The following SMG1 variants were observed in gnomAD, a reference collection of about 807,000 sequenced individuals.
SMG1 encodes serine/threonine-protein kinase SMG1.
Under a neutral mutation model 419.9 loss-of-function variants are expected in SMG1, and 22 were observed. The observed-to-expected ratio is 0.05, with a 90% CI of 0.04 to 0.07. The LOEUF (loss-of-function observed/expected upper bound fraction) is 0.07, where lower values mean the gene tolerates loss of function less well. Ranked by LOEUF, SMG1 falls within the 10% of genes least tolerant of loss-of-function variation. The pLI is 1.00. For synonymous variants in SMG1, 1,538 were observed against 1,553.5 expected (o/e 0.99, Z 0.23); for missense variants, 3,185 against 4,342.0 (o/e 0.73, Z 7.49).
In SMG1 at chr16:18,816,327, T is replaced by A; in HGVS notation, c.10277A>T (p.Lys3426Ile). The A allele has an allele frequency of 6.2e-7, 1 of 1,613,658 alleles. No individual in the cohort carries two copies. Among genetic ancestry groups the A allele is most frequent in the Non-Finnish European group, 8.5e-7 (1 of 1,179,590 alleles). ...TGHNRQLGDV[K>I]HLLKAMAKDE... ...CTTAGCCATAGCTTTCAAGAGATGT[T>A]TGACATCTCCAAGCTGTCGGTTATG... Residue 3426 changes from lysine to isoleucine, a missense_variant, in exon 58 of 63, where the codon AAA (lysine) becomes ATA (isoleucine). Physicochemically the swap from Lys to Ile is moderately radical, Grantham distance 102. Around this residue, in one of 27 missense-constraint regions of SMG1, gnomAD observed 737 missense variants for 846.6 expected, o/e 0.87. Coordinates refer to ENST00000446231, the MANE Select transcript of SMG1 (RefSeq NM_015092.5).
Position 18,833,048 on chromosome 16 carries a change from G to A in SMG1, c.8684C>T (p.Thr2895Ile). Residue 2895 changes from threonine to isoleucine, a missense_variant, in exon 51 of 63, where the codon ACC (threonine) becomes ATC (isoleucine). By Grantham distance (89) the Thr-to-Ile change is moderately conservative. Coordinates refer to ENST00000446231, the MANE Select transcript of SMG1 (RefSeq NM_015092.5). ...TAGAGTCTGCAGGGGAACGCCATCG[G>A]TGGTCTGCTCAATAAGACCGTCCAG... Reference protein sequence around the residue: ...HELDGLIEQTTDGVPLQTLVE... With the variant: ...HELDGLIEQTIDGVPLQTLVE... 6.2e-7 allele frequency: 1 copy of A among 1,613,986 alleles called. No homozygotes were observed. Among genetic ancestry groups the A allele is most frequent in the Non-Finnish European group, 8.5e-7 (1 of 1,179,870 alleles).
rs571594490 is a variant in SMG1 at position 18,835,812 on chromosome 16, T to C, written c.8057+121A>G. On this transcript the variant is annotated intron_variant, in intron 48 of 62. Coordinates refer to ENST00000446231, the MANE Select transcript of SMG1 (RefSeq NM_015092.5). ...TACTCTGGAGGCTGAGGCAGAGGAA[T>C]TGCTTGAACCTCAGAGACGGAGGTT... is the stretch of plus-strand genomic sequence containing the variant. 3.9e-5 allele frequency: 35 copies of C among 905,936 alleles called. 1 individual carries two copies. The highest frequency in any genetic ancestry group is 3.5e-4 in the Middle Eastern group (1 of 2,886). 56.1% of individuals were successfully genotyped at this position (905,936 alleles called of 1,614,324 possible).
chr16:18,858,147 T>G (rs2035018932), intron 29 of SMG1, 23 bp downstream of exon 29: 1 of 1,526,600 alleles, frequency 6.6e-7, no homozygotes, highest in Admixed American at 2.3e-5. Flanking sequence ...AATTTTCTCT[T>G]ACAAGAAAAA....
intron 1 of SMG1, among the ~76,000 whole-genome samples, chr16:18,904,984 G>A (rs577198899): frequency 5.9e-5 from 9 of 151,840 alleles, no homozygotes; most frequent in Non-Finnish European, 8.8e-5. Flanking sequence ...AAATAAGGCC[G>A]GGCACGGTGG....
intron 3 of SMG1, among the ~76,000 whole-genome samples, chr16:18,892,785 G>GAATATA: frequency 6.6e-6 from 1 of 152,158 alleles, no homozygotes; most frequent in East Asian, 1.9e-4. Context: ...AAAGCTCAGG[G>GAATATA]AATATAGGTC....
intron 37 of SMG1, 60 bp downstream of exon 37, chr16:18,847,756 C>A: frequency 6.3e-7 from 1 of 1,586,888 alleles, no homozygotes; most frequent in Non-Finnish European, 8.6e-7. Flanking sequence ...TACAGATTGG[C>A]AAAAGCAATT....
chr16:18,907,864 A>AT (rs2037630708), intron 1 of SMG1, among the ~76,000 whole-genome samples: 1 of 150,398 alleles, frequency 6.6e-6, no homozygotes, highest in Non-Finnish European at 1.5e-5. Flanking sequence ...AAAAAAAAAA[A>AT]AAAAAGAGAC....
At chr16:18,908,222 G>GCT (rs2037647983) in intron 1 of SMG1, among the ~76,000 whole-genome samples, 1 of 151,774 alleles carries the variant, frequency 6.6e-6, no homozygotes, top group South Asian at 2.1e-4. Context: ...AAAAAAATTA[G>GCT]GCAGGCGTGG....
rs761114774 is a variant in SMG1, at chr16:18,838,707, G to C, written c.6946-18C>G. 4 of 1,525,410 alleles carry C rather than the reference G, an allele frequency of 2.6e-6. No homozygotes were observed. The highest frequency in any genetic ancestry group is 2.4e-5 in the South Asian group (2 of 81,896). 94.5% of individuals were successfully genotyped at this position (1,525,410 alleles called of 1,614,324 possible). A position where few individuals can be genotyped will look rare whatever the true frequency, so the allele number is the denominator to read the frequency against. On this transcript the variant is annotated intron_variant, in intron 42 of 62. Transcript: ENST00000446231. ...GCATAAGACTAAAGGAAAGGAAATG[G>C]GGGCAGCAAGTGAAACACCATTAAG...
rs747539033 is a variant in SMG1 at position 18,854,722 on chromosome 16, C to T, written c.4417G>A (p.Gly1473Ser). The T allele has an allele frequency of 1.2e-6, 2 of 1,613,848 alleles. No individual in the cohort carries two copies. Among genetic ancestry groups the T allele is most frequent in the Non-Finnish European group, 8.5e-7 (1 of 1,179,848 alleles). The change falls in exon 30 of 63, where the codon GGT (glycine) becomes AGT (serine). Residue 1473 changes from glycine to serine, a missense_variant. By Grantham distance (56) the Gly-to-Ser change is moderately conservative. Transcript: ENST00000446231. ...VQHFKKLSTQ[G>S]QVDEKWGPEL... ...GGCCCCCATTTTTCATCCACTTGACCTTGGGTTGATAGTTTTTTAAAATGT... is the reference window on the plus strand; with the variant it reads ...GGCCCCCATTTTTCATCCACTTGACTTTGGGTTGATAGTTTTTTAAAATGT...
At chr16:18,907,302 G>A (rs2037601264) in intron 1 of SMG1, among the ~76,000 whole-genome samples, 1 of 151,932 alleles carries the variant, frequency 6.6e-6, no homozygotes, top group Non-Finnish European at 1.5e-5. Flanking sequence ...AATCGTTTAT[G>A]CCAACTAATT....
chr16:18,877,248 T>G lies in SMG1; in HGVS notation c.1519-16A>C, dbSNP rs1475743059. 2 of 1,493,666 alleles carry G rather than the reference T, an allele frequency of 1.3e-6. No homozygotes were observed. Among genetic ancestry groups the G allele is most frequent in the Admixed American group, 4.1e-5 (2 of 49,044 alleles). The allele number at this position is 1,493,666 out of a possible 1,614,324, so 92.5% of individuals were successfully genotyped here. ...GTTCAACAATCTAAAAGAATAAAAT[T>G]TTTAAAAAATGAGCTTCTCCAATTA... is the stretch of plus-strand genomic sequence containing the variant. On this transcript the variant is annotated splice_polypyrimidine_tract_variant and intron_variant, in intron 11 of 62. Coordinates refer to ENST00000446231, the MANE Select transcript of SMG1 (RefSeq NM_015092.5).
intron 3 of SMG1, 70 bp downstream of exon 3, chr16:18,895,982 C>G: frequency 7.4e-7 from 1 of 1,359,756 alleles, no homozygotes; most frequent in Non-Finnish European, 1.0e-6. Context: ...TAGTAAGAGG[C>G]ATCCAGAATA....
intron 42 of SMG1, among the ~76,000 whole-genome samples, chr16:18,839,145 CTCTT>C (rs901301618): frequency 1.3e-4 from 20 of 152,054 alleles, no homozygotes; most frequent in African/African-American, 4.1e-4. Context: ...TGTGCCTGAC[CTCTT>C]TCTTTTTTTA....
chr16:18,814,070 A>T (rs1321242143), intron 60 of SMG1, among the ~76,000 whole-genome samples: 9 of 148,846 alleles, frequency 6.0e-5, no homozygotes, highest in African/African-American at 2.2e-4. Context: ...AAAAAAAATA[A>T]AATAAAATAA....
intron 1 of SMG1, among the ~76,000 whole-genome samples, chr16:18,918,461 C>T (rs1209575296): frequency 6.6e-6 from 1 of 152,170 alleles, no homozygotes; most frequent in Non-Finnish European, 1.5e-5. Flanking sequence ...GGATTCTCCC[C>T]CAAATTCACA....
Position 18,850,476 on chromosome 16 carries a change from A to C in SMG1, c.5053-9T>G. ...AGTGTTATATCTTCATCCTGAAGAA[A>C]AATTGTGCACAAAATGCTATTTTAA... On this transcript the variant is annotated splice_polypyrimidine_tract_variant and intron_variant, in intron 33 of 62. Coordinates refer to ENST00000446231, the MANE Select transcript of SMG1 (RefSeq NM_015092.5). 1 of 1,578,550 alleles carries C rather than the reference A, an allele frequency of 6.3e-7. No individual in the cohort carries two copies. The highest frequency in any genetic ancestry group is 1.1e-5 in the South Asian group (1 of 89,432).
intron 1 of SMG1, among the ~76,000 whole-genome samples, chr16:18,903,790 CTTCT>C (rs1490159037): frequency 6.6e-6 from 1 of 152,116 alleles, no homozygotes; most frequent in Admixed American, 6.6e-5. Flanking sequence ...TGTCATCTTC[CTTCT>C]AATATATCCA....
In SMG1 at chr16:18,854,878, G is replaced by A. The variant is rs753053733; in HGVS notation, c.4261C>T (p.Leu1421Phe). Residue 1421 changes from leucine to phenylalanine, a missense_variant, in exon 30 of 63, where the codon CTC (leucine) becomes TTC (phenylalanine). This residue lies in a region of SMG1 where 493 missense variants were observed against 552.9 expected (regional missense o/e 0.89). Transcript: ENST00000446231. ...GCTGCTGTTAGACCTAATTCCATGA[G>A]ATGGCTTCTAATTGGGACTGTTTGT... is the stretch of plus-strand genomic sequence containing the variant. ...KEQTVPIRSH[L>F]MELGLTAAKF... is the part of the protein sequence containing the mutation. The A allele has an allele frequency of 1.2e-5, 19 of 1,613,918 alleles. No homozygotes were observed. Among genetic ancestry groups the A allele is most frequent in the Admixed American group, 1.7e-5 (1 of 60,018 alleles).
Sources: allele counts gnomAD v4.1 joint callset (sites outside exome capture counted in the v4.1 genomes callset), GRCh38; gene constraint gnomAD v4.1.1; regional missense constraint gnomAD v4.1.1; transcripts MANE v1.5; gene names NCBI Gene and HGNC (gene_info 2026-07-23, HGNC 2026-07-21).